The following RBM47 variants were observed in gnomAD, a reference collection of about 807,000 sequenced individuals.
RBM47 encodes RNA binding motif protein 47, also known as RNA-binding protein 47.
A neutral mutation model predicts 47.1 loss-of-function variants in RBM47; 21 were observed. That is an observed-to-expected ratio of 0.45 (90% CI 0.32 to 0.64). The LOEUF (loss-of-function observed/expected upper bound fraction) is 0.64. RBM47 is among the 30% of genes least tolerant of loss of function. The probability of loss-of-function intolerance (pLI) is 0.05; values close to 1 mark genes in which losing one functional copy is unlikely to be tolerated. For missense variants in RBM47, 708 were observed against 870.9 expected, an observed-to-expected ratio of 0.81 and a Z score of 2.35; for synonymous variants, 375 against 361.7, an observed-to-expected ratio of 1.04 and a Z score of -0.42.
chr4:40,435,319 CG>C (rs774116558), intron 5 of RBM47, among the ~76,000 whole-genome samples: 45 of 152,106 alleles, frequency 3.0e-4, no homozygotes, highest in Admixed American at 5.9e-4. Flanking sequence ...GAGGCTCAGG[CG>C]GGTGGCTCAC....
At chr4:40,545,133 C>A (rs867525269) in intron 1 of RBM47, among the ~76,000 whole-genome samples, 2 of 150,160 alleles carry the variant, frequency 1.3e-5, no homozygotes, top group South Asian at 4.2e-4. Flanking sequence ...CTCACTGCAA[C>A]CTCCGTCTCC....
intron 1 of RBM47, among the ~76,000 whole-genome samples, chr4:40,566,375 A>G (rs1286125383): frequency 6.6e-6 from 1 of 152,120 alleles, no homozygotes; most frequent in Non-Finnish European, 1.5e-5. Context: ...TGCTGGGCAC[A>G]GTGGCTCATG....
chr4:40,498,201 T>C (rs1029131070), intron 2 of RBM47, among the ~76,000 whole-genome samples: 5 of 151,704 alleles, frequency 3.3e-5, no homozygotes, highest in African/African-American at 1.2e-4. Context: ...CTGCTTAGTT[T>C]GATGAATACA....
intron 2 of RBM47, among the ~76,000 whole-genome samples, chr4:40,471,254 C>T (rs1240343024): frequency 1.3e-5 from 2 of 152,146 alleles, no homozygotes; most frequent in Admixed American, 6.5e-5. Context: ...ATAAGGATTA[C>T]ACAAGACACA....
intron 1 of RBM47, among the ~76,000 whole-genome samples, chr4:40,623,249 C>G (rs1048452858): frequency 6.6e-6 from 1 of 152,150 alleles, no homozygotes; most frequent in Non-Finnish European, 1.5e-5. Flanking sequence ...GAGCAAAAAG[C>G]AAAGGAGGTC....
chr4:40,439,496 C>A (rs886208760), intron 3 of RBM47, among the ~76,000 whole-genome samples: 1 of 152,126 alleles, frequency 6.6e-6, no homozygotes, highest in African/African-American at 2.4e-5. Context: ...CACATTGCCA[C>A]GGGCTTGGTC....
At chr4:40,547,308 T>G (rs187296084) in intron 1 of RBM47, among the ~76,000 whole-genome samples, 1 of 152,272 alleles carries the variant, frequency 6.6e-6, no homozygotes, top group Admixed American at 6.5e-5. Flanking sequence ...GTAATTAAGA[T>G]TAAATGAGGT....
chr4:40,434,951 C>T (rs1055553455), intron 5 of RBM47, among the ~76,000 whole-genome samples: 1 of 152,062 alleles, frequency 6.6e-6, no homozygotes, highest in Non-Finnish European at 1.5e-5. Flanking sequence ...GAGGGTCGTG[C>T]CAATTACCCA....
chr4:40,575,988 G>A (rs1732261048), intron 1 of RBM47, among the ~76,000 whole-genome samples: 1 of 152,194 alleles, frequency 6.6e-6, no homozygotes, highest in African/African-American at 2.4e-5. Context: ...GGCCAGGAGG[G>A]CATTGTTAAT....
At chr4:40,523,700 C>CA (rs1346301224) in intron 2 of RBM47, among the ~76,000 whole-genome samples, 1 of 150,492 alleles carries the variant, frequency 6.6e-6, no homozygotes, top group African/African-American at 2.4e-5. Context: ...CTTGTCTCTA[C>CA]AAAAAATACC....
At position 40,548,228 on chromosome 4, in the gene RBM47, A is replaced by T. The variant is rs140297217; in HGVS notation, c.-239-3722T>A. The stretch of plus-strand genomic sequence containing the variant: ...TTTACCCGGCAGACACATCTGAAAG[A>T]CAAGAGGGCATTTTCCAGACAGAAC... On this transcript the variant is annotated intron_variant, in intron 1 of 6. Coordinates refer to ENST00000295971, the MANE Select transcript of RBM47 (RefSeq NM_001098634.2). Among the ~76,000 whole-genome samples the T allele has an allele frequency of 1.3e-4, 20 of 152,322 alleles. No homozygotes were observed. The East Asian group carries it at 3.9e-3, about 29-fold the overall frequency.
At chr4:40,496,181 T>C (rs1268497095) in intron 2 of RBM47, among the ~76,000 whole-genome samples, 2 of 152,150 alleles carry the variant, frequency 1.3e-5, no homozygotes, top group Non-Finnish European at 2.9e-5. Flanking sequence ...CATAAGACTT[T>C]TTGACTAGGG....
At chr4:40,507,237 A>C (rs1724228249) in intron 2 of RBM47, among the ~76,000 whole-genome samples, 1 of 152,098 alleles carries the variant, frequency 6.6e-6, no homozygotes, top group South Asian at 2.1e-4. Flanking sequence ...GATTACAGGC[A>C]TAAGCCACTA....
intron 1 of RBM47, among the ~76,000 whole-genome samples, chr4:40,571,282 T>C (rs1337605494): frequency 1.3e-5 from 2 of 151,970 alleles, no homozygotes; most frequent in African/African-American, 4.8e-5. Flanking sequence ...TGGAATGGGA[T>C]AGAAAATCCA....
Position 40,590,393 on chromosome 4 carries a change from T to A in RBM47, c.-240+39003A>T, listed in dbSNP as rs201420019. The stretch of plus-strand genomic sequence containing the variant: ...CTGGGCAACAGACTCTGTCTCTTTT[T>A]AAAAAAAAAACAAAAAAACCCCACA... On this transcript the variant is annotated intron_variant, in intron 1 of 6. Coordinates refer to ENST00000295971, the MANE Select transcript of RBM47 (RefSeq NM_001098634.2). Among the ~76,000 whole-genome samples, 817 of 146,480 alleles carry A rather than the reference T, an allele frequency of 5.6e-3. 7 individuals are homozygous for A. The highest frequency in any genetic ancestry group is 0.02 in the African/African-American group (778 of 39,878).
chr4:40,481,489 TTTA>T (rs1357891636), intron 2 of RBM47, among the ~76,000 whole-genome samples: 53 of 110,870 alleles, frequency 4.8e-4, no homozygotes, highest in African/African-American at 1.4e-3. Context: ...TATTATTATT[TTTA>T]TTTTTATTTT....
intron 4 of RBM47, among the ~76,000 whole-genome samples, chr4:40,437,121 T>TATATATATTAC (rs1712698571): frequency 7.8e-5 from 7 of 89,734 alleles, no homozygotes; most frequent in African/African-American, 3.2e-4. Context: ...AAAATACATA[T>TATATATATTAC]ATATATATAT....
At chr4:40,502,810 T>C (rs1723550682) in intron 2 of RBM47, among the ~76,000 whole-genome samples, 1 of 151,928 alleles carries the variant, frequency 6.6e-6, no homozygotes, top group South Asian at 2.1e-4. Context: ...CATATTGCTG[T>C]ACTCCAGCCT....
At chr4:40,613,786 T>C (rs1269664127) in intron 1 of RBM47, among the ~76,000 whole-genome samples, 1 of 150,690 alleles carries the variant, frequency 6.6e-6, no homozygotes, top group Non-Finnish European at 1.5e-5. Flanking sequence ...TGAGATCCCA[T>C]GTCTTAAAAA....
Sources: gnomAD v4.1 joint callset for allele counts (sites outside exome capture counted in the v4.1 genomes callset) on GRCh38, gnomAD v4.1.1 for gene constraint, MANE v1.5 for transcripts, NCBI Gene and HGNC (gene_info 2026-07-23, HGNC 2026-07-21) for gene names.